The following TRPC4AP variants were observed in gnomAD, a reference collection of about 807,000 sequenced individuals.
TRPC4AP encodes short transient receptor potential channel 4-associated protein.
Under a neutral mutation model 99.0 loss-of-function variants are expected in TRPC4AP, and 45 were observed. The observed-to-expected ratio is 0.45, with a 90% CI of 0.36 to 0.58. The LOEUF is 0.58. Among genes scored for constraint, TRPC4AP ranks in the 20% least tolerant of loss-of-function variants. TRPC4AP has a pLI of 0.00. For missense variants in TRPC4AP, 879 were observed against 985.3 expected (o/e 0.89, Z 1.44); for synonymous variants, 408 against 385.8 (o/e 1.06, Z -0.67).
chr20:35,041,411 C>T (rs996821670), intron 7 of TRPC4AP, among the ~76,000 whole-genome samples: 6 of 152,144 alleles, frequency 3.9e-5, no homozygotes, highest in African/African-American at 1.4e-4. Flanking sequence ...TCCTGCACAA[C>T]CTCATGTGTG....
chr20:35,011,523 G>A (rs968614244), intron 11 of TRPC4AP, among the ~76,000 whole-genome samples: 1 of 152,160 alleles, frequency 6.6e-6, no homozygotes, highest in Non-Finnish European at 1.5e-5. Context: ...TGTTTATCAT[G>A]AGCCCAGGAA....
chr20:35,032,195 T>C (rs1292080052), intron 8 of TRPC4AP, among the ~76,000 whole-genome samples: 2 of 151,410 alleles, frequency 1.3e-5, no homozygotes, highest in East Asian at 3.9e-4. Context: ...CATCTAACCT[T>C]TATATTTTTA....
intron 8 of TRPC4AP, among the ~76,000 whole-genome samples, chr20:35,029,827 G>A (rs1276453771): frequency 2.0e-5 from 3 of 147,810 alleles, no homozygotes. Flanking sequence ...TAGTAGAGAC[G>A]GGGTTTCACC....
chr20:35,075,945 CTTTG>C lies in TRPC4AP; in HGVS notation c.297+2097_297+2100del, dbSNP rs930765158. 7.9e-4 allele frequency among the ~76,000 whole-genome samples: 120 copies of C among 152,266 alleles called. 1 individual carries two copies. Among genetic ancestry groups the C allele is most frequent in the African/African-American group, 2.7e-3 (111 of 41,534 alleles). Reference sequence around the variant, plus strand: ...CACACAGTCCCATATTTCTTGGAGGCTTTGTTTGTTTCTTTTTATTCTTTTTTCT... The same window carrying C: ...CACACAGTCCCATATTTCTTGGAGGCTTTGTTTCTTTTTATTCTTTTTTCT... On this transcript the variant is annotated intron_variant, in intron 2 of 18. Transcript: ENST00000252015.
At chr20:35,040,776 C>T (rs137939507) in intron 7 of TRPC4AP, among the ~76,000 whole-genome samples, 4 of 152,132 alleles carry the variant, frequency 2.6e-5, no homozygotes, top group African/African-American at 4.8e-5. Context: ...TAATTTTTGT[C>T]GCAGATGGCT....
chr20:35,085,694 T>G (rs142027568), intron 1 of TRPC4AP, among the ~76,000 whole-genome samples: 297 of 152,228 alleles, frequency 2.0e-3, no homozygotes, highest in Non-Finnish European at 3.6e-3. Context: ...TTCAGTCATC[T>G]TCCCAGTTGA....
At chr20:35,046,886 T>A (rs1470307936) in intron 6 of TRPC4AP, among the ~76,000 whole-genome samples, 1 of 152,050 alleles carries the variant, frequency 6.6e-6, no homozygotes, top group African/African-American at 2.4e-5. Flanking sequence ...TTTTTTTTTT[T>A]AAGGCGGAGT....
chr20:35,025,806 T>G (rs1185907995), intron 8 of TRPC4AP, among the ~76,000 whole-genome samples: 1 of 152,238 alleles, frequency 6.6e-6, no homozygotes, highest in African/African-American at 2.4e-5. Context: ...ATTATTTATC[T>G]GGTTGCTTGT....
At chr20:35,026,468 A>G (rs1373684445) in intron 8 of TRPC4AP, among the ~76,000 whole-genome samples, 1 of 152,118 alleles carries the variant, frequency 6.6e-6, no homozygotes, top group Non-Finnish European at 1.5e-5. Context: ...TTCCTGCCTC[A>G]GCCTCCCAAA....
intron 9 of TRPC4AP, among the ~76,000 whole-genome samples, chr20:35,017,544 G>A (rs1320802679): frequency 6.6e-6 from 1 of 152,198 alleles, no homozygotes; most frequent in African/African-American, 2.4e-5. Context: ...CAGATGTAAA[G>A]CTCTGCACAC....
chr20:35,024,530 A>G (rs1295261630), intron 8 of TRPC4AP, among the ~76,000 whole-genome samples: 1 of 152,158 alleles, frequency 6.6e-6, no homozygotes, highest in Non-Finnish European at 1.5e-5. Flanking sequence ...TAGTATAAAT[A>G]TATCACATTC....
intron 10 of TRPC4AP, among the ~76,000 whole-genome samples, chr20:35,014,314 ATTTTTTTTT>A (rs66518839): frequency 1.8e-5 from 2 of 113,190 alleles, no homozygotes; most frequent in Non-Finnish European, 3.4e-5. Context: ...CTCAGGCAGA[ATTTTTTTTT>A]TTTTTTTTTT....
intron 1 of TRPC4AP, among the ~76,000 whole-genome samples, chr20:35,085,712 GC>G (rs1421531344): frequency 1.2e-4 from 19 of 152,152 alleles, no homozygotes; most frequent in Non-Finnish European, 2.5e-4. Context: ...TGAATTACTG[GC>G]AGGTATCACA....
chr20:35,059,932 A>G (rs1256615153), intron 3 of TRPC4AP, among the ~76,000 whole-genome samples: 38 of 147,472 alleles, frequency 2.6e-4, no homozygotes, highest in Admixed American at 2.5e-3. Flanking sequence ...AAGACGAAGA[A>G]GACGAAGAAG....
intron 7 of TRPC4AP, among the ~76,000 whole-genome samples, chr20:35,041,108 G>T (rs183447323): frequency 1.4e-5 from 2 of 142,200 alleles, no homozygotes; most frequent in East Asian, 4.4e-4. Flanking sequence ...CCTTGATCTT[G>T]GACTTCTAGC....
rs748558244 is a variant in TRPC4AP at position 35,004,475 on chromosome 20, C to T, written c.2032G>A (p.Val678Met). ...CCTCTCACCTGGGTCAGCGTCTGCA[C>T]GTGGATGATGTTGATGAGGCGGAAG... is the stretch of plus-strand genomic sequence containing the variant. ...FLFRLINIIH[V>M]QTLTQENVSC... Residue 678 changes from valine (V) to methionine (M), a missense_variant, in exon 17 of 19, where the codon GTG becomes ATG. Transcript: ENST00000252015. The T allele has an allele frequency of 8.1e-6, 13 of 1,613,660 alleles. No homozygotes were observed. Among genetic ancestry groups the T allele is most frequent in the African/African-American group, 1.3e-5 (1 of 74,910 alleles).
chr20:35,004,941 CCTT>C (rs1464718126), intron 16 of TRPC4AP, among the ~76,000 whole-genome samples: 1 of 152,214 alleles, frequency 6.6e-6, no homozygotes, highest in Non-Finnish European at 1.5e-5. Flanking sequence ...AAGTTCCACT[CCTT>C]CTGCAGAGGT....
intron 2 of TRPC4AP, among the ~76,000 whole-genome samples, chr20:35,071,110 A>AT (rs1442515990): frequency 1.3e-5 from 2 of 152,216 alleles, no homozygotes; most frequent in South Asian, 4.1e-4. Flanking sequence ...GAGATTCAAA[A>AT]TATGAAAATG....
intron 2 of TRPC4AP, among the ~76,000 whole-genome samples, chr20:35,074,549 G>A (rs1405447314): frequency 6.6e-6 from 1 of 152,168 alleles, no homozygotes; most frequent in African/African-American, 2.4e-5. Context: ...TTCAGGAGCA[G>A]GTTGTTCAGT....
Sources: allele counts gnomAD v4.1 joint callset (sites outside exome capture counted in the v4.1 genomes callset), GRCh38; gene constraint gnomAD v4.1.1; transcripts MANE v1.5; gene names NCBI Gene and HGNC (gene_info 2026-07-23, HGNC 2026-07-21).